The following SLC44A3 variants were observed in gnomAD, a reference collection of about 807,000 sequenced individuals.
SLC44A3 encodes solute carrier family 44 member 3.
A neutral mutation model predicts 75.4 loss-of-function variants in SLC44A3; 74 were observed. That is an observed-to-expected ratio of 0.98 (90% CI 0.81 to 1.19). The LOEUF (loss-of-function observed/expected upper bound fraction) is 1.19. Ranked by LOEUF, SLC44A3 falls within the 50% of genes most tolerant of loss-of-function variation. The pLI, the probability that SLC44A3 is intolerant of heterozygous loss-of-function variation, is 0.00. For synonymous variants in SLC44A3, 310 were observed against 296.9 expected, an observed-to-expected ratio of 1.04 and a Z score of -0.45; for missense variants, 700 against 778.6, an observed-to-expected ratio of 0.90 and a Z score of 1.20.
chr1:94,866,741 A>G (rs980534405), intron 11 of SLC44A3, among the ~76,000 whole-genome samples: 1 of 152,080 alleles, frequency 6.6e-6, no homozygotes, highest in Non-Finnish European at 1.5e-5. Context: ...GCCTCCGAGC[A>G]CCCTTCCCCC....
rs1174426814 is a variant in SLC44A3, at chr1:94,824,692, A to G, written c.278+57A>G. Reference sequence around the variant, plus strand: ...GGAACTGTACCTCAAAACTTTGTATAAATTCATCATTTGGAGCCTGGAAAC... The same window carrying G: ...GGAACTGTACCTCAAAACTTTGTATGAATTCATCATTTGGAGCCTGGAAAC... On this transcript the variant is annotated intron_variant, in intron 3 of 14. Coordinates refer to ENST00000271227, the MANE Select transcript of SLC44A3 (RefSeq NM_001114106.3). The G allele has an allele frequency of 4.1e-6, 6 of 1,477,432 alleles. No homozygotes were observed. In the South Asian group the frequency reaches 6.0e-5, roughly 15 times the overall value. 91.5% of individuals were successfully genotyped at this position (1,477,432 alleles called of 1,614,324 possible). A position where few individuals can be genotyped will look rare whatever the true frequency, so the allele number is the denominator to read the frequency against.
intron 12 of SLC44A3, among the ~76,000 whole-genome samples, chr1:94,888,200 G>C (rs1669814196): frequency 6.6e-6 from 1 of 152,192 alleles, no homozygotes; most frequent in African/African-American, 2.4e-5. Context: ...TGGCTACAGA[G>C]CCTGTGCTTA....
intron 9 of SLC44A3, among the ~76,000 whole-genome samples, chr1:94,857,119 A>G (rs574262215): frequency 1.3e-5 from 2 of 152,304 alleles, no homozygotes; most frequent in South Asian, 4.1e-4. Context: ...ATTGCCTACC[A>G]ATGGTCACTG....
chr1:94,838,103 T>C (rs2893276), intron 6 of SLC44A3, among the ~76,000 whole-genome samples: 69,484 of 152,110 alleles, frequency 0.46, 15,959 homozygotes, highest in Middle Eastern at 0.51. Flanking sequence ...ATATACTGAC[T>C]ATGTTCTAGT....
At chr1:94,860,198 T>C (rs574572369) in intron 10 of SLC44A3, among the ~76,000 whole-genome samples, 2 of 152,234 alleles carry the variant, frequency 1.3e-5, no homozygotes, top group East Asian at 1.9e-4. Context: ...AACAAAGATG[T>C]ATTGCTAGGA....
intron 14 of SLC44A3, among the ~76,000 whole-genome samples, chr1:94,893,513 T>C (rs1378776033): frequency 5.9e-5 from 9 of 151,970 alleles, no homozygotes; most frequent in African/African-American, 1.9e-4. Flanking sequence ...CCCAAGTAGC[T>C]GGGATTACAG....
intron 12 of SLC44A3, among the ~76,000 whole-genome samples, chr1:94,880,237 C>T (rs565856562): frequency 6.9e-4 from 105 of 152,328 alleles, no homozygotes; most frequent in Non-Finnish European, 1.4e-3. Context: ...TTCATCACAG[C>T]ATACGCTCAA....
intron 7 of SLC44A3, among the ~76,000 whole-genome samples, chr1:94,840,622 C>T (rs1167692501): frequency 3.3e-5 from 5 of 152,152 alleles, no homozygotes; most frequent in Non-Finnish European, 5.9e-5. Flanking sequence ...TGCTATGCTG[C>T]CCCTGAGATG....
At chr1:94,842,854 C>A (rs1291296288) in intron 8 of SLC44A3, among the ~76,000 whole-genome samples, 3 of 152,206 alleles carry the variant, frequency 2.0e-5, no homozygotes, top group African/African-American at 4.8e-5. Flanking sequence ...TGCAGATTCT[C>A]ACACCAACAA....
At position 94,824,581 on chromosome 1, in the gene SLC44A3, A is replaced by C; in HGVS notation, c.224A>C (p.Lys75Thr). Residue 75 changes from lysine to threonine, a missense_variant, in exon 3 of 15, where the codon AAG becomes ACG. Coordinates refer to ENST00000271227, the MANE Select transcript of SLC44A3 (RefSeq NM_001114106.3). ...AGCTTTGGCAACATGTGTGGCAAGA[A>C]GAACTCCCCCGTGGAAGGGGCCCCT... ...YDSFGNMCGKKNSPVEGAPLS... is the reference protein window; with the variant it reads ...YDSFGNMCGKTNSPVEGAPLS... 6.2e-7 allele frequency: 1 copy of C among 1,612,058 alleles called. No homozygotes were observed. Among genetic ancestry groups the C allele is most frequent in the Non-Finnish European group, 8.5e-7 (1 of 1,179,466 alleles).
At position 94,827,585 on chromosome 1, in the gene SLC44A3, C is replaced by T; in HGVS notation, c.357C>T (p.Asn119=). 2 of 1,614,218 alleles carry T rather than the reference C, an allele frequency of 1.2e-6. No homozygotes were observed. Among genetic ancestry groups the T allele is most frequent in the East Asian group, 2.2e-5 (1 of 44,886 alleles). Residue 119 remains asparagine (N), a synonymous_variant, in exon 4 of 15, where the codon AAC becomes AAT. Transcript: ENST00000271227. ...ACCGCATGGCCCTCTGTGTATCCAA[C>T]TGCCCTGAAGAGCAGCTTGACTCCC... is the stretch of plus-strand genomic sequence containing the variant. ...QLNRMALCVS[N]CPEEQLDSLE...
At chr1:94,848,646 G>A (rs1476629687) in intron 9 of SLC44A3, among the ~76,000 whole-genome samples, 1 of 152,178 alleles carries the variant, frequency 6.6e-6, no homozygotes, top group Non-Finnish European at 1.5e-5. Flanking sequence ...TATTTGGTGG[G>A]CACTGTGGGG....
chr1:94,858,651 T>C (rs186212885), intron 10 of SLC44A3, among the ~76,000 whole-genome samples: 2 of 151,756 alleles, frequency 1.3e-5, no homozygotes, highest in African/African-American at 2.4e-5. Flanking sequence ...AGTTTCCTCC[T>C]GATGATAAGG....
At chr1:94,857,233 A>C in intron 9 of SLC44A3, 102 bp from the exon 10 acceptor site, 1 of 1,234,442 alleles carries the variant, frequency 8.1e-7, no homozygotes, top group Middle Eastern at 2.0e-4. Flanking sequence ...CATTTGTTTT[A>C]TGTAATGCCA....
rs989406433 is a variant in SLC44A3 at position 94,840,032 on chromosome 1, T to C, written c.755T>C (p.Leu252Ser). 1.9e-6 allele frequency: 3 copies of C among 1,611,572 alleles called. No homozygotes were observed. The highest frequency in any genetic ancestry group is 2.5e-6 in the Non-Finnish European group (3 of 1,177,820). ...TTCATTTCATTGGTTATTTTGGGAT[T>C]GTTGTGTAAGTATTTCTCTACTTGA... ...HIFISLVILG[L>S]LFVCGVLWWL... Residue 252 changes from leucine (L) to serine (S), a missense_variant, in exon 7 of 15, where the codon TTG becomes TCG. By Grantham distance (145) the Leu-to-Ser change is moderately radical (BLOSUM62 -2). Transcript: ENST00000271227.
In SLC44A3 at chr1:94,827,497, T is replaced by G. The variant is rs1661528817; in HGVS notation, c.279-10T>G. The G allele has an allele frequency of 1.2e-6, 2 of 1,614,182 alleles. No homozygotes were observed. The highest frequency in any genetic ancestry group is 8.5e-7 in the Non-Finnish European group (1 of 1,179,996). ...CTCTAACACATTCTTCTGTTTCATC[T>G]ATTTCCTAGACACGTGTTCTTTATG... On this transcript the variant is annotated splice_polypyrimidine_tract_variant and intron_variant, in intron 3 of 14. Transcript: ENST00000271227.
chr1:94,830,515 A>G (rs1216288260), intron 5 of SLC44A3, among the ~76,000 whole-genome samples: 2 of 152,118 alleles, frequency 1.3e-5, no homozygotes, highest in African/African-American at 4.8e-5. Flanking sequence ...CTGGCCTATA[A>G]TATCTTATTT....
At chr1:94,884,238 G>A (rs192047185) in intron 12 of SLC44A3, among the ~76,000 whole-genome samples, 1 of 152,178 alleles carries the variant, frequency 6.6e-6, no homozygotes, top group East Asian at 1.9e-4. Context: ...CCATCTCATT[G>A]GATGTTTGTT....
At chr1:94,870,333 G>A (rs1364025305) in intron 12 of SLC44A3, among the ~76,000 whole-genome samples, 1 of 152,240 alleles carries the variant, frequency 6.6e-6, no homozygotes, top group East Asian at 1.9e-4. Flanking sequence ...TAGTGCAAAA[G>A]GCAAGCCTCC....
Sources: allele counts gnomAD v4.1 joint callset (sites outside exome capture counted in the v4.1 genomes callset), GRCh38; gene constraint gnomAD v4.1.1; transcripts MANE v1.5; gene names NCBI Gene and HGNC (gene_info 2026-07-23, HGNC 2026-07-21).